Variants in ST6GALNAC5 observed in about 807,000 individuals in gnomAD.
The protein encoded by ST6GALNAC5 is ST6 N-acetylgalactosaminide alpha-2,6-sialyltransferase 5.
ST6GALNAC5 carries 27 observed loss-of-function variants against 33.6 expected under a neutral mutation model. That is an observed-to-expected ratio of 0.80 (90% CI 0.59 to 1.11). ST6GALNAC5 has a LOEUF of 1.11. Ranked by LOEUF, ST6GALNAC5 falls within the 50% of genes least tolerant of loss-of-function variation. The probability of loss-of-function intolerance (pLI) is 0.00; values close to 1 mark genes in which losing one functional copy is unlikely to be tolerated. For missense variants in ST6GALNAC5, 428 were observed against 454.0 expected (o/e 0.94, Z 0.52); for synonymous variants, 194 against 171.2 (o/e 1.13, Z -1.04).
At chr1:77,027,144 C>T (rs913944829) in intron 2 of ST6GALNAC5, among the ~76,000 whole-genome samples, 1 of 152,232 alleles carries the variant, frequency 6.6e-6, no homozygotes, top group African/African-American at 2.4e-5. Flanking sequence ...CTTCTGGATC[C>T]TTTCACGGTT....
chr1:76,943,489 G>A (rs1647405959), intron 2 of ST6GALNAC5, among the ~76,000 whole-genome samples: 1 of 152,034 alleles, frequency 6.6e-6, no homozygotes, highest in Non-Finnish European at 1.5e-5. Flanking sequence ...AGAAGAGAGG[G>A]AAATTAAAAA....
intron 2 of ST6GALNAC5, among the ~76,000 whole-genome samples, chr1:76,949,422 C>T (rs540149042): frequency 3.3e-4 from 50 of 152,200 alleles, no homozygotes; most frequent in Admixed American, 3.1e-3. Context: ...ATAGAGCTGG[C>T]GTGAGGAGTG....
intron 2 of ST6GALNAC5, among the ~76,000 whole-genome samples, chr1:76,974,130 T>C (rs1253290372): frequency 1.3e-5 from 2 of 152,130 alleles, no homozygotes; most frequent in East Asian, 3.9e-4. Context: ...TTAGTGAAGA[T>C]TGACATCTTT....
At chr1:76,977,720 A>G (rs879890583) in intron 2 of ST6GALNAC5, among the ~76,000 whole-genome samples, 1 of 152,138 alleles carries the variant, frequency 6.6e-6, no homozygotes, top group African/African-American at 2.4e-5. Context: ...TTATCCATTC[A>G]TCTATGGATA....
chr1:76,922,083 T>A (rs1304762898), intron 2 of ST6GALNAC5, among the ~76,000 whole-genome samples: 1 of 152,200 alleles, frequency 6.6e-6, no homozygotes, highest in East Asian at 1.9e-4. Context: ...TATTTTTAGA[T>A]GACATGATTA....
intron 2 of ST6GALNAC5, among the ~76,000 whole-genome samples, chr1:76,884,329 C>T (rs1462877098): frequency 6.6e-6 from 1 of 152,154 alleles, no homozygotes; most frequent in African/African-American, 2.4e-5. Context: ...TTGAACCTTG[C>T]TGTGCACCTG....
chr1:76,997,842 G>T (rs1005886570), intron 2 of ST6GALNAC5, among the ~76,000 whole-genome samples: 1 of 152,104 alleles, frequency 6.6e-6, no homozygotes, highest in African/African-American at 2.4e-5. Flanking sequence ...GATATGGTTT[G>T]GCTCTGTGTT....
intron 2 of ST6GALNAC5, among the ~76,000 whole-genome samples, chr1:76,969,178 G>T (rs1421724498): frequency 6.6e-6 from 1 of 152,192 alleles, no homozygotes; most frequent in Non-Finnish European, 1.5e-5. Context: ...TGGACAGGGG[G>T]TGTAGCCCAT....
intron 2 of ST6GALNAC5, among the ~76,000 whole-genome samples, chr1:76,958,853 C>T (rs746336991): frequency 6.6e-6 from 1 of 152,176 alleles, no homozygotes; most frequent in Non-Finnish European, 1.5e-5. Flanking sequence ...CCTGGACCTG[C>T]ACTCTCAAGC....
At chr1:76,886,666 C>T (rs896632262) in intron 2 of ST6GALNAC5, among the ~76,000 whole-genome samples, 2 of 152,156 alleles carry the variant, frequency 1.3e-5, no homozygotes, top group Non-Finnish European at 1.5e-5. Flanking sequence ...TGTCATCACC[C>T]CAAACGGAGA....
At chr1:76,982,048 A>G (rs1649276047) in intron 2 of ST6GALNAC5, among the ~76,000 whole-genome samples, 1 of 152,236 alleles carries the variant, frequency 6.6e-6, no homozygotes, top group Non-Finnish European at 1.5e-5. Context: ...AACCACAAAG[A>G]TGGGGAGAAA....
At chr1:76,907,767 T>C (rs1475529037) in intron 2 of ST6GALNAC5, among the ~76,000 whole-genome samples, 1 of 152,180 alleles carries the variant, frequency 6.6e-6, no homozygotes, top group Non-Finnish European at 1.5e-5. Flanking sequence ...TGAGGACAGA[T>C]GCTTGCACTT....
chr1:76,881,941 T>C (rs558676331), intron 2 of ST6GALNAC5, among the ~76,000 whole-genome samples: 1 of 152,262 alleles, frequency 6.6e-6, no homozygotes, highest in South Asian at 2.1e-4. Context: ...GTGGCAGAGC[T>C]GGGGCAAAAT....
chr1:77,052,031 G>A (rs950386320), intron 4 of ST6GALNAC5, among the ~76,000 whole-genome samples: 7 of 152,156 alleles, frequency 4.6e-5, no homozygotes, highest in African/African-American at 7.2e-5. Flanking sequence ...CGGTAGGATC[G>A]AAACAATTTA....
At chr1:76,958,083 G>A (rs996887852) in intron 2 of ST6GALNAC5, among the ~76,000 whole-genome samples, 8 of 152,098 alleles carry the variant, frequency 5.3e-5, no homozygotes, top group African/African-American at 1.2e-4. Context: ...CGCAGGAGAC[G>A]CTGTCTACTC....
chr1:77,056,043 C>T (rs1652386291), intron 4 of ST6GALNAC5, among the ~76,000 whole-genome samples: 1 of 152,180 alleles, frequency 6.6e-6, no homozygotes, highest in Non-Finnish European at 1.5e-5. Context: ...CAGCCAGAGC[C>T]AGCTCTGGGT....
chr1:77,004,133 C>G (rs1188263951), intron 2 of ST6GALNAC5, among the ~76,000 whole-genome samples: 1 of 151,726 alleles, frequency 6.6e-6, no homozygotes, highest in Non-Finnish European at 1.5e-5. Context: ...GTACACCAAT[C>G]AGACGTAGAT....
At chr1:76,883,480 T>C (rs574713250) in intron 2 of ST6GALNAC5, among the ~76,000 whole-genome samples, 1 of 152,336 alleles carries the variant, frequency 6.6e-6, no homozygotes, top group Admixed American at 6.5e-5. Flanking sequence ...CTATTAATTA[T>C]AGGAATGGAC....
At chr1:77,042,451 G>A (rs889460366) in intron 2 of ST6GALNAC5, among the ~76,000 whole-genome samples, 10 of 152,234 alleles carry the variant, frequency 6.6e-5, no homozygotes, top group Non-Finnish European at 1.2e-4. Context: ...TGTCATGTAA[G>A]AGTAATTAGA....
Sources: allele counts gnomAD v4.1 joint callset (sites outside exome capture counted in the v4.1 genomes callset), GRCh38; gene constraint gnomAD v4.1.1; transcripts MANE v1.5; gene names NCBI Gene and HGNC (gene_info 2026-07-23, HGNC 2026-07-21).